The following NFATC1 variants were observed in gnomAD, a reference collection of about 807,000 sequenced individuals.
NFATC1 encodes the protein nuclear factor of activated T-cells, cytoplasmic 1.
NFATC1 carries 22 observed loss-of-function variants against 76.0 expected under a neutral mutation model. That is an observed-to-expected ratio of 0.29 (90% CI 0.21 to 0.41). NFATC1 has a LOEUF of 0.41. NFATC1 is among the 10% of genes least tolerant of loss of function. The pLI is 1.00. For missense variants in NFATC1, 1,357 were observed against 1,337.7 expected (o/e 1.01, Z -0.23); for synonymous variants, 704 against 613.1 (o/e 1.15, Z -2.19).
At chr18:79,444,127 CTT>C (rs1323545695) in intron 3 of NFATC1, among the ~76,000 whole-genome samples, 1 of 152,176 alleles carries the variant, frequency 6.6e-6, no homozygotes, top group Non-Finnish European at 1.5e-5. Context: ...GAGAAAAAAA[CTT>C]TTTTCTAGAA....
chr18:79,409,974 G>A (rs1168633132), intron 1 of NFATC1: 3 of 530,604 alleles, frequency 5.7e-6, no homozygotes, highest in South Asian at 1.4e-5. Context: ...TGAAGATGGG[G>A]TGGTTGAGGA....
intron 6 of NFATC1, among the ~76,000 whole-genome samples, chr18:79,454,088 G>A (rs2087587959): frequency 1.3e-5 from 2 of 152,236 alleles, no homozygotes; most frequent in Non-Finnish European, 2.9e-5. Context: ...TGCTCTTGCA[G>A]ATGGAACCAG....
intron 2 of NFATC1, among the ~76,000 whole-genome samples, chr18:79,429,862 G>A (rs964282144): frequency 2.6e-5 from 4 of 152,250 alleles, no homozygotes; most frequent in Non-Finnish European, 2.9e-5. Context: ...CCGCGGCGTC[G>A]GGTCAACGGC....
intron 2 of NFATC1, among the ~76,000 whole-genome samples, chr18:79,424,067 T>C (rs767846587): frequency 1.1e-4 from 17 of 152,098 alleles, no homozygotes; most frequent in Non-Finnish European, 2.1e-4. Flanking sequence ...TGAAAGGCCT[T>C]GTCTTGGGTC....
At chr18:79,468,985 G>T (rs2088662471) in intron 8 of NFATC1, 1 of 148,440 alleles carries the variant, frequency 6.7e-6, no homozygotes. Flanking sequence ...AGGATTGTGG[G>T]GAAGAGCCTC....
At chr18:79,440,527 C>T (rs1472463306) in intron 3 of NFATC1, among the ~76,000 whole-genome samples, 2 of 152,250 alleles carry the variant, frequency 1.3e-5, no homozygotes, top group Admixed American at 1.3e-4. Flanking sequence ...GGCCCTGCTT[C>T]CCCGCAGACA....
chr18:79,522,323 G>A (rs2090626137), intron 9 of NFATC1, among the ~76,000 whole-genome samples: 1 of 116,732 alleles, frequency 8.6e-6, no homozygotes, highest in Non-Finnish European at 1.7e-5. Flanking sequence ...CTGCTGATGT[G>A]TGTGTTTTGT....
chr18:79,477,106 C>G (rs1569010101), intron 8 of NFATC1, among the ~76,000 whole-genome samples: 1 of 152,212 alleles, frequency 6.6e-6, no homozygotes. Context: ...TGATGCCTCT[C>G]AGCCTCGAGG....
chr18:79,519,037 G>A (rs1003185291), intron 9 of NFATC1, among the ~76,000 whole-genome samples: 2 of 152,166 alleles, frequency 1.3e-5, no homozygotes, highest in Non-Finnish European at 2.9e-5. Context: ...CTGGGCAGAA[G>A]GTGAGGATGG....
intron 1 of NFATC1, among the ~76,000 whole-genome samples, chr18:79,409,747 T>C (rs969139129): frequency 6.6e-6 from 1 of 152,222 alleles, no homozygotes; most frequent in Non-Finnish European, 1.5e-5. Context: ...GAACACATTT[T>C]ATGTGCCAGG....
intron 9 of NFATC1, among the ~76,000 whole-genome samples, chr18:79,502,672 A>G (rs2090038835): frequency 6.6e-6 from 1 of 152,256 alleles, no homozygotes; most frequent in Non-Finnish European, 1.5e-5. Flanking sequence ...GGATTTGAAT[A>G]GACATTTCTC....
At chr18:79,445,167 G>T (rs912996128) in intron 3 of NFATC1, among the ~76,000 whole-genome samples, 9 of 152,228 alleles carry the variant, frequency 5.9e-5, no homozygotes, top group African/African-American at 2.2e-4. Context: ...TCTCCCTGGA[G>T]CATCAAATTG....
intron 8 of NFATC1, among the ~76,000 whole-genome samples, chr18:79,475,029 G>A (rs1347589382): frequency 7.5e-5 from 10 of 133,904 alleles, no homozygotes; most frequent in African/African-American, 1.5e-4. Context: ...TGAGGGAAGC[G>A]TGTTCTCACG....
intron 9 of NFATC1, among the ~76,000 whole-genome samples, chr18:79,489,125 A>G (rs889699597): frequency 1.3e-5 from 2 of 152,238 alleles, no homozygotes; most frequent in Non-Finnish European, 2.9e-5. Context: ...CCTTGGTCCT[A>G]GAGGTCAAAG....
rs569729463 is a variant in NFATC1 at position 79,441,408 on chromosome 18, T to C, written c.1387-7374T>C. On this transcript the variant is annotated intron_variant, in intron 3 of 9. Transcript: ENST00000427363. ...CTCTCCCCCGTGATTTCGGTTTTGATGTGTTTGAGCCACTGACCAGCAGGC... is the reference window on the plus strand; with the variant it reads ...CTCTCCCCCGTGATTTCGGTTTTGACGTGTTTGAGCCACTGACCAGCAGGC... Among the ~76,000 whole-genome samples, 77 of 152,170 alleles carry C rather than the reference T, an allele frequency of 5.1e-4. 1 individual carries two copies. The highest frequency in any genetic ancestry group is 1.9e-3 in the African/African-American group (77 of 41,528).
chr18:79,509,181 G>A (rs1399459835), intron 9 of NFATC1, among the ~76,000 whole-genome samples: 2 of 152,216 alleles, frequency 1.3e-5, no homozygotes, highest in South Asian at 2.1e-4. Flanking sequence ...GTGCAGTGGC[G>A]TGGCCCGTGT....
At chr18:79,437,813 T>C (rs960894643) in intron 3 of NFATC1, among the ~76,000 whole-genome samples, 2 of 152,236 alleles carry the variant, frequency 1.3e-5, no homozygotes, top group African/African-American at 4.8e-5. Context: ...GCGAGTGCTC[T>C]GGGTGGCTGC....
chr18:79,425,472 C>T (rs1009724405), intron 2 of NFATC1, among the ~76,000 whole-genome samples: 2 of 152,202 alleles, frequency 1.3e-5, no homozygotes, highest in African/African-American at 2.4e-5. Context: ...TCTGTCGCTT[C>T]GTCTGTCTGG....
intron 3 of NFATC1, among the ~76,000 whole-genome samples, chr18:79,439,171 A>G (rs940023519): frequency 1.3e-5 from 2 of 152,084 alleles, no homozygotes; most frequent in African/African-American, 4.8e-5. Flanking sequence ...ACGCTTTCTT[A>G]AGTGGTTTGC....
Sources: gnomAD v4.1 joint callset for allele counts (sites outside exome capture counted in the v4.1 genomes callset) on GRCh38, gnomAD v4.1.1 for gene constraint, MANE v1.5 for transcripts, NCBI Gene and HGNC (gene_info 2026-07-23, HGNC 2026-07-21) for gene names.